Variants in DPYD observed in about 807,000 individuals in gnomAD.
DPYD encodes dihydropyrimidine dehydrogenase.
DPYD carries 109 observed loss-of-function variants against 116.2 expected under a neutral mutation model. The ratio of observed to expected loss-of-function variants is 0.94; its 90% CI spans 0.80 to 1.10. The LOEUF (loss-of-function observed/expected upper bound fraction) is 1.10. DPYD is among the 50% of genes least tolerant of loss of function. DPYD has a pLI of 0.00. For synonymous variants in DPYD, 440 were observed against 432.0 expected (o/e 1.02, Z -0.23); for missense variants, 1,302 against 1,254.5 (o/e 1.04, Z -0.57).
intron 3 of DPYD, among the ~76,000 whole-genome samples, chr1:97,808,673 T>C (rs1234411481): frequency 2.0e-5 from 3 of 152,008 alleles, no homozygotes; most frequent in African/African-American, 7.2e-5. Flanking sequence ...AAAGCACTGG[T>C]CAGAACGAAC....
At chr1:97,504,131 T>C (rs1294676154) in intron 13 of DPYD, among the ~76,000 whole-genome samples, 6 of 152,038 alleles carry the variant, frequency 3.9e-5, no homozygotes, top group Non-Finnish European at 7.4e-5. Flanking sequence ...TCTGGGATTA[T>C]ATGAGTCCCA....
chr1:97,641,475 T>A (rs1338868878), intron 8 of DPYD, among the ~76,000 whole-genome samples: 2 of 152,086 alleles, frequency 1.3e-5, no homozygotes, highest in African/African-American at 4.8e-5. Context: ...ATCCATCACA[T>A]AAACAGAACC....
At chr1:97,532,293 T>C (rs1043764003) in intron 12 of DPYD, among the ~76,000 whole-genome samples, 5 of 152,154 alleles carry the variant, frequency 3.3e-5, no homozygotes, top group Non-Finnish European at 2.9e-5. Context: ...TAATATTTCA[T>C]TGAAAGTTTT....
chr1:97,317,467 T>A (rs572639689), intron 16 of DPYD, among the ~76,000 whole-genome samples: 16 of 152,016 alleles, frequency 1.1e-4, no homozygotes, highest in African/African-American at 3.9e-4. Flanking sequence ...CAAGTGTGTA[T>A]GTAAATGTAT....
intron 5 of DPYD, chr1:97,700,402 C>G: frequency 2.6e-6 from 1 of 389,646 alleles, no homozygotes; most frequent in South Asian, 2.0e-5. Context: ...CCAGGAAAAA[C>G]AAAAACTGGA....
At position 97,557,280 on chromosome 1, in the gene DPYD, C is replaced by A. The variant is rs12564345; in HGVS notation, c.1340-7536G>T. ...AGCCCTTTGTCAGATGAGTAGGTTG[C>A]GAAAATTTTCTATTCCCTTTTTCTT... On this transcript the variant is annotated intron_variant, in intron 11 of 22. Coordinates refer to ENST00000370192, the MANE Select transcript of DPYD (RefSeq NM_000110.4). Among the ~76,000 whole-genome samples the A allele has an allele frequency of 3.7e-3, 550 of 148,566 alleles. 19 individuals carry two copies. The East Asian group carries it at 0.087, about 23-fold the overall frequency.
chr1:97,353,474 A>G lies in DPYD; in HGVS notation c.2058+20087T>C, dbSNP rs1178321099. Among the ~76,000 whole-genome samples the G allele has an allele frequency of 2.0e-5, 3 of 152,262 alleles. No homozygotes were observed. The South Asian group carries it at 6.2e-4, about 32-fold the overall frequency. ...CCTTTTAAAGCCTTTCCTAAATAAT[A>G]AACTTCTGTCCAGAGCAGTTTCTTA... On this transcript the variant is annotated intron_variant, in intron 16 of 22. Coordinates refer to ENST00000370192, the MANE Select transcript of DPYD (RefSeq NM_000110.4).
At chr1:97,682,519 GAAGA>G (rs964411568) in intron 7 of DPYD, among the ~76,000 whole-genome samples, 9 of 152,068 alleles carry the variant, frequency 5.9e-5, no homozygotes, top group African/African-American at 2.2e-4. Context: ...GAAAGAATTA[GAAGA>G]AAGATTCCTT....
chr1:97,298,866 A>G (rs190147894), intron 18 of DPYD, among the ~76,000 whole-genome samples: 1 of 152,242 alleles, frequency 6.6e-6, no homozygotes, highest in African/African-American at 2.4e-5. Flanking sequence ...TGCCTCAACT[A>G]GGACTCTTTT....
chr1:97,622,461 C>T (rs913030520), intron 8 of DPYD, among the ~76,000 whole-genome samples: 5 of 151,720 alleles, frequency 3.3e-5, no homozygotes, highest in African/African-American at 1.2e-4. Flanking sequence ...AAAACCATTG[C>T]AACCAAAAAA....
chr1:97,290,536 T>G (rs567991027), intron 18 of DPYD, among the ~76,000 whole-genome samples: 6 of 151,926 alleles, frequency 3.9e-5, no homozygotes, highest in African/African-American at 1.5e-4. Context: ...ACACCGCATA[T>G]CTACAACTAT....
intron 13 of DPYD, among the ~76,000 whole-genome samples, chr1:97,461,010 C>T (rs1291935201): frequency 6.7e-6 from 1 of 150,038 alleles, no homozygotes; most frequent in African/African-American, 2.5e-5. Context: ...GCACTCTAGC[C>T]TGGGCAACAA....
intron 13 of DPYD, among the ~76,000 whole-genome samples, chr1:97,478,519 C>G (rs1033282796): frequency 6.6e-6 from 1 of 152,182 alleles, no homozygotes; most frequent in South Asian, 2.1e-4. Flanking sequence ...ATCTCTTGAC[C>G]TCGTGATGCA....
At chr1:97,587,925 A>C (rs1430873792) in intron 10 of DPYD, among the ~76,000 whole-genome samples, 1 of 152,146 alleles carries the variant, frequency 6.6e-6, no homozygotes, top group African/African-American at 2.4e-5. Context: ...TTGACATTAA[A>C]AATATCTGAG....
intron 14 of DPYD, among the ~76,000 whole-genome samples, chr1:97,393,058 G>T (rs1044268495): frequency 6.6e-6 from 1 of 151,970 alleles, no homozygotes; most frequent in Non-Finnish European, 1.5e-5. Context: ...CTTATCATTT[G>T]TGTGTTCACT....
At chr1:97,610,752 T>G (rs1655892197) in intron 8 of DPYD, among the ~76,000 whole-genome samples, 2 of 152,144 alleles carry the variant, frequency 1.3e-5, no homozygotes, top group Middle Eastern at 3.4e-3. Context: ...TTACAATTTT[T>G]TGCCCAACTT....
intron 8 of DPYD, among the ~76,000 whole-genome samples, chr1:97,612,771 G>C (rs962670802): frequency 4.6e-5 from 7 of 151,850 alleles, no homozygotes; most frequent in African/African-American, 1.7e-4. Context: ...TAGCAGTTGG[G>C]CTTGTTTCTT....
At chr1:97,311,556 C>T (rs1002137598) in intron 16 of DPYD, among the ~76,000 whole-genome samples, 1 of 151,622 alleles carries the variant, frequency 6.6e-6, no homozygotes, top group African/African-American at 2.4e-5. Flanking sequence ...TAAATCAGTA[C>T]AAGAGTCTTT....
intron 18 of DPYD, among the ~76,000 whole-genome samples, chr1:97,239,439 T>C (rs999530264): frequency 2.0e-5 from 3 of 152,088 alleles, no homozygotes; most frequent in Non-Finnish European, 4.4e-5. Context: ...CATTCATCTG[T>C]CTATCCACAA....
Sources: allele counts gnomAD v4.1 joint callset (sites outside exome capture counted in the v4.1 genomes callset), GRCh38; gene constraint gnomAD v4.1.1; transcripts MANE v1.5; gene names NCBI Gene and HGNC (gene_info 2026-07-23, HGNC 2026-07-21).